The following KIF20B variants were observed in gnomAD, a reference collection of about 807,000 sequenced individuals.
KIF20B encodes kinesin family member 20B.
In KIF20B, 188 loss-of-function variants were observed where a neutral mutation model predicts 232.5. The observed-to-expected ratio is 0.81, with a 90% CI of 0.72 to 0.91. KIF20B has a LOEUF of 0.91. Among genes scored for constraint, KIF20B ranks in the 40% least tolerant of loss-of-function variants. KIF20B has a pLI of 0.00. For missense variants in KIF20B, 2,154 were observed against 2,055.9 expected (o/e 1.05, Z -0.92); for synonymous variants, 712 against 683.0 (o/e 1.04, Z -0.66).
chr10:89,763,015 C>G (rs1189558243), intron 29 of KIF20B, among the ~76,000 whole-genome samples, 180 bp downstream of exon 29: 3 of 152,112 alleles, frequency 2.0e-5, no homozygotes, highest in Admixed American at 6.6e-5. Flanking sequence ...GGCGTGGTGA[C>G]TCATGCCTGT....
chr10:89,772,876 T>C, intron 32 of KIF20B, 45 bp downstream of exon 32: 1 of 1,507,220 alleles, frequency 6.6e-7, no homozygotes. Context: ...CTGTTCGTGT[T>C]CTTTTTAATT....
chr10:89,765,616 C>G (rs576123588), intron 29 of KIF20B, among the ~76,000 whole-genome samples: 1 of 152,040 alleles, frequency 6.6e-6, no homozygotes, highest in African/African-American at 2.4e-5. Context: ...GGAGGCATCA[C>G]GCTACCTGAC....
chr10:89,707,539 C>T (rs2133080548), intron 2 of KIF20B, among the ~76,000 whole-genome samples: 1 of 149,456 alleles, frequency 6.7e-6, no homozygotes, highest in African/African-American at 2.5e-5. Context: ...CCCTCCTCTC[C>T]CCTCCACTTC....
At chr10:89,707,204 A>G (rs1842741200) in intron 2 of KIF20B, among the ~76,000 whole-genome samples, 1 of 152,186 alleles carries the variant, frequency 6.6e-6, no homozygotes, top group African/African-American at 2.4e-5. Flanking sequence ...AACACTGCAT[A>G]TATTTTAGAT....
chr10:89,725,411 G>A (rs1466869715), intron 15 of KIF20B, among the ~76,000 whole-genome samples: 1 of 151,888 alleles, frequency 6.6e-6, no homozygotes, highest in African/African-American at 2.4e-5. Context: ...GAATCATTGT[G>A]TTGTAGGCAG....
At position 89,737,515 on chromosome 10, in the gene KIF20B, C is replaced by G. The variant is rs368315164; in HGVS notation, c.2674C>G (p.Leu892Val). The G allele has an allele frequency of 6.5e-5, 104 of 1,609,488 alleles. No homozygotes were observed. The highest frequency in any genetic ancestry group is 8.6e-5 in the Non-Finnish European group (101 of 1,177,456). The change falls in exon 20 of 33, where the codon CTC becomes GTC. Residue 892 changes from leucine (L) to valine (V), a missense_variant. Leu to Val is a conservative substitution (Grantham distance 32). Transcript: ENST00000371728. Reference sequence around the variant, plus strand: ...TAATGAAGGACTGAGAGCATTTTTACTCACTATTGAGAATGAACTTAAAAA... The same window carrying G: ...TAATGAAGGACTGAGAGCATTTTTAGTCACTATTGAGAATGAACTTAAAAA... Reference protein sequence around the residue: ...ENNEGLRAFLLTIENELKNEK... With the variant: ...ENNEGLRAFLVTIENELKNEK...
intron 20 of KIF20B, 137 bp downstream of exon 20, chr10:89,738,754 C>A: frequency 8.2e-7 from 1 of 1,216,064 alleles, no homozygotes; most frequent in Non-Finnish European, 1.1e-6. Context: ...TGAACTTTGT[C>A]CATATAAACC....
At chr10:89,710,446 C>G (rs1842813720) in intron 5 of KIF20B, among the ~76,000 whole-genome samples, 1 of 152,106 alleles carries the variant, frequency 6.6e-6, no homozygotes. Context: ...CCAGGCTAGT[C>G]TCGAACTCCT....
intron 18 of KIF20B, among the ~76,000 whole-genome samples, chr10:89,729,964 C>A (rs186274737): frequency 1.4e-4 from 22 of 152,186 alleles, no homozygotes; most frequent in African/African-American, 4.8e-4. Context: ...TTGAAAGGTG[C>A]TTTTTTATGT....
At chr10:89,758,671 G>C in intron 26 of KIF20B, 35 bp from the exon 27 acceptor site, 3 of 1,423,856 alleles carry the variant, frequency 2.1e-6, no homozygotes, top group Non-Finnish European at 2.8e-6. Context: ...AATATATCAA[G>C]GTTGATTTTA....
At position 89,738,304 on chromosome 10, in the gene KIF20B, G is replaced by C. The variant is rs1311459555; in HGVS notation, c.3463G>C (p.Gly1155Arg). The C allele has an allele frequency of 1.2e-6, 2 of 1,612,166 alleles. No individual in the cohort carries two copies. The highest frequency in any genetic ancestry group is 8.5e-7 in the Non-Finnish European group (1 of 1,179,356). The change falls in exon 20 of 33, where the codon GGT (glycine) becomes CGT (arginine). Residue 1155 changes from glycine to arginine, a missense_variant. Gly to Arg is a moderately radical substitution (Grantham distance 125). Transcript: ENST00000371728. ...GAGAGCGCTTTCAGAACTTACACAA[G>C]GTGTTACTTGCTATAAGGCAAAAAT... is the stretch of plus-strand genomic sequence containing the variant. ...GKRALSELTQ[G>R]VTCYKAKIKE...
rs560787757 is a variant in KIF20B, at chr10:89,719,108, G to A, written c.1434+236G>A. Among the ~76,000 whole-genome samples, 37 of 152,188 alleles carry A rather than the reference G, an allele frequency of 2.4e-4. No individual in the cohort carries two copies. The East Asian group carries it at 6.2e-3, about 25-fold the overall frequency. On this transcript the variant is annotated intron_variant, in intron 12 of 32. Transcript: ENST00000371728. ...CAGTTATAAATTAATGAGTATTTTT[G>A]GAATGAATTGTCTGCTCTGCCATTC...
At chr10:89,754,250 T>C (rs1842076868) in intron 25 of KIF20B, among the ~76,000 whole-genome samples, 1 of 152,018 alleles carries the variant, frequency 6.6e-6, no homozygotes. Flanking sequence ...AAATTTGAAT[T>C]ATTTATTTTT....
chr10:89,737,929 G>A lies in KIF20B; in HGVS notation c.3088G>A (p.Gly1030Ser). The A allele has an allele frequency of 6.2e-7, 1 of 1,613,258 alleles. No individual in the cohort carries two copies. Among genetic ancestry groups the A allele is most frequent in the Non-Finnish European group, 8.5e-7 (1 of 1,179,566 alleles). ...NLPNTQLDLL[G>S]NDYLVSKQVK... is the part of the protein sequence containing the mutation. ...GCCAAATACACAGTTAGACCTTTTA[G>A]GTAATGATTATTTGGTAAGTAAGCA... is the stretch of plus-strand genomic sequence containing the variant. Residue 1030 changes from glycine (G) to serine (S), a missense_variant, in exon 20 of 33, where the codon GGT becomes AGT. Gly to Ser is a moderately conservative substitution (Grantham distance 56). Transcript: ENST00000371728.
At chr10:89,701,749 T>G (rs1444626918) in intron 1 of KIF20B, 69 bp downstream of exon 1, 2 of 152,026 alleles carry the variant, frequency 1.3e-5, no homozygotes, top group Non-Finnish European at 2.9e-5. Flanking sequence ...GGGCCTAAGG[T>G]GGGGAAACGG....
At chr10:89,768,632 C>A in intron 30 of KIF20B, 106 bp from the exon 31 acceptor site, 2 of 1,109,606 alleles carry the variant, frequency 1.8e-6, no homozygotes, top group Non-Finnish European at 1.3e-6. Flanking sequence ...AGTTTCCTAC[C>A]TGAGAATTCA....
chr10:89,748,823 A>G (rs1841970064), intron 23 of KIF20B, among the ~76,000 whole-genome samples: 2 of 151,996 alleles, frequency 1.3e-5, no homozygotes, highest in Admixed American at 1.3e-4. Context: ...CCAAATATGG[A>G]GAAGTATGGC....
At chr10:89,766,934 C>T (rs555887035) in intron 29 of KIF20B, among the ~76,000 whole-genome samples, 83 of 150,852 alleles carry the variant, frequency 5.5e-4, no homozygotes, top group African/African-American at 1.7e-3. Flanking sequence ...TTTTTTTCAA[C>T]GAAGAAGGAA....
chr10:89,748,588 T>G (rs898295876), intron 23 of KIF20B, among the ~76,000 whole-genome samples: 1 of 152,190 alleles, frequency 6.6e-6, no homozygotes, highest in Non-Finnish European at 1.5e-5. Context: ...TGAAAATATA[T>G]CTCTGCACAC....
Sources: allele counts gnomAD v4.1 joint callset (sites outside exome capture counted in the v4.1 genomes callset), GRCh38; gene constraint gnomAD v4.1.1; transcripts MANE v1.5; gene names NCBI Gene and HGNC (gene_info 2026-07-23, HGNC 2026-07-21).